The following STARD13 variants were observed in gnomAD, a reference collection of about 807,000 sequenced individuals.
STARD13 encodes StAR related lipid transfer domain containing 13, also known as stAR-related lipid transfer protein 13.
In STARD13, 62 loss-of-function variants were observed where a neutral mutation model predicts 106.4. The observed-to-expected ratio is 0.58, with a 90% CI of 0.48 to 0.72. STARD13 has a LOEUF of 0.72. Ranked by LOEUF, STARD13 falls within the 30% of genes least tolerant of loss-of-function variation. The pLI is 0.00. For synonymous variants in STARD13, 565 were observed against 553.0 expected, an observed-to-expected ratio of 1.02 and a Z score of -0.31; for missense variants, 1,387 against 1,424.0, an observed-to-expected ratio of 0.97 and a Z score of 0.42.
chr13:33,253,908 A>G (rs945693045), intron 1 of STARD13, among the ~76,000 whole-genome samples: 1 of 152,258 alleles, frequency 6.6e-6, no homozygotes, highest in South Asian at 2.1e-4. Flanking sequence ...AGGTTTTTCA[A>G]CAGGCCTGCC....
intron 4 of STARD13, among the ~76,000 whole-genome samples, chr13:33,131,016 C>A (rs866994219): frequency 1.3e-5 from 2 of 152,322 alleles, no homozygotes. Flanking sequence ...TGGGTCCCCG[C>A]GGCTTGGCAC....
At chr13:33,526,540 C>T in the STARD13 span, among the ~76,000 whole-genome samples, 1 of 152,036 alleles carries the variant, frequency 6.6e-6, no homozygotes, top group Non-Finnish European at 1.5e-5. Flanking sequence ...TTTGTAGCCA[C>T]CATACCAAGA....
chr13:33,459,657 C>T, the STARD13 span, among the ~76,000 whole-genome samples: 1 of 152,290 alleles, frequency 6.6e-6, no homozygotes, highest in East Asian at 1.9e-4. Context: ...TTTTTAAGAA[C>T]TGCCAAGCTG....
chr13:33,632,684 T>A, the STARD13 span, among the ~76,000 whole-genome samples: 2 of 152,344 alleles, frequency 1.3e-5, no homozygotes, highest in Admixed American at 1.3e-4. Context: ...AGCCTTCTGA[T>A]TTGTGGGTTT....
the STARD13 span, among the ~76,000 whole-genome samples, chr13:33,596,684 C>A: frequency 1.3e-4 from 20 of 152,302 alleles, no homozygotes; most frequent in Middle Eastern, 0.01. Flanking sequence ...ACCAACCTCT[C>A]TTCATTCCCT....
At chr13:33,105,768 T>A in intron 13 of STARD13, 58 bp from the exon 14 acceptor site, 1 of 1,443,248 alleles carries the variant, frequency 6.9e-7, no homozygotes, top group Non-Finnish European at 9.8e-7. Flanking sequence ...TCACAGCAAT[T>A]AGTTTTGGTG....
chr13:33,464,708 G>T, the STARD13 span, among the ~76,000 whole-genome samples: 1 of 152,168 alleles, frequency 6.6e-6, no homozygotes, highest in Admixed American at 6.5e-5. Context: ...AATTAGCTAG[G>T]TGTGGTGGCG....
At chr13:33,535,256 T>G in the STARD13 span, among the ~76,000 whole-genome samples, 1 of 152,078 alleles carries the variant, frequency 6.6e-6, no homozygotes, top group East Asian at 1.9e-4. Flanking sequence ...TTTTCTTCAT[T>G]ACATAAATCT....
At chr13:33,577,821 A>G in the STARD13 span, among the ~76,000 whole-genome samples, 1 of 152,180 alleles carries the variant, frequency 6.6e-6, no homozygotes, top group East Asian at 1.9e-4. Flanking sequence ...CTTTTTAGAT[A>G]CAAAGCCAAA....
chr13:33,136,249 C>T (rs1879039163), intron 4 of STARD13, among the ~76,000 whole-genome samples: 1 of 152,160 alleles, frequency 6.6e-6, no homozygotes, highest in African/African-American at 2.4e-5. Context: ...GACAGATGAA[C>T]AACAAAAATG....
At chr13:33,489,426 AT>A in the STARD13 span, among the ~76,000 whole-genome samples, 1 of 152,268 alleles carries the variant, frequency 6.6e-6, no homozygotes, top group East Asian at 1.9e-4. Flanking sequence ...ATATTTTTCT[AT>A]TTAGTTATAA....
the STARD13 span, among the ~76,000 whole-genome samples, chr13:33,495,285 A>G: frequency 1.3e-5 from 2 of 152,216 alleles, no homozygotes; most frequent in African/African-American, 4.8e-5. Flanking sequence ...ACTTAAGCCA[A>G]TTATCATCTT....
chr13:33,217,735 C>A (rs1267480936), intron 1 of STARD13, among the ~76,000 whole-genome samples: 3 of 152,224 alleles, frequency 2.0e-5, no homozygotes, highest in East Asian at 1.9e-4. Context: ...GAAATAAACA[C>A]CTTCATGAAA....
chr13:33,500,238 T>C, the STARD13 span, among the ~76,000 whole-genome samples: 1 of 151,956 alleles, frequency 6.6e-6, no homozygotes, highest in Non-Finnish European at 1.5e-5. Context: ...AAATTTAGAG[T>C]GAAAGTAAGG....
chr13:33,528,229 T>TATATATATATAC, the STARD13 span, among the ~76,000 whole-genome samples: 20 of 130,924 alleles, frequency 1.5e-4, no homozygotes, highest in African/African-American at 6.7e-4. Flanking sequence ...TGTGTGTGTA[T>TATATATATATAC]ATATATATAT....
Position 33,129,004 on chromosome 13 carries a change from A to G in STARD13, c.1673T>C (p.Leu558Pro), listed in dbSNP as rs756264482. 28 of 1,614,022 alleles carry G rather than the reference A, an allele frequency of 1.7e-5. No homozygotes were observed. The highest frequency in any genetic ancestry group is 5.3e-5 in the African/African-American group (4 of 74,902). The part of the protein sequence containing the change: ...PSDVERDVTS[L>P]NESEPPGVRD... Reference sequence around the variant, plus strand: ...GACCCCAGGAGGCTCAGATTCATTAAGAGATGTTACATCTCTTTCCACATC... The same window carrying G: ...GACCCCAGGAGGCTCAGATTCATTAGGAGATGTTACATCTCTTTCCACATC... Residue 558 changes from leucine to proline, a missense_variant, in exon 5 of 14, where the codon CTT becomes CCT. Leu to Pro is a moderately conservative substitution (Grantham distance 98). Coordinates refer to ENST00000336934, the MANE Select transcript of STARD13 (RefSeq NM_178006.4).
chr13:33,562,885 A>T, the STARD13 span, among the ~76,000 whole-genome samples: 1 of 147,282 alleles, frequency 6.8e-6, no homozygotes, highest in East Asian at 2.0e-4. Context: ...CACCAATGTA[A>T]AATTATGTTT....
chr13:33,481,519 A>C, the STARD13 span, among the ~76,000 whole-genome samples: 1 of 152,230 alleles, frequency 6.6e-6, no homozygotes, highest in South Asian at 2.1e-4. Context: ...TGCAATCATC[A>C]AAGTCCAGTC....
intron 1 of STARD13, among the ~76,000 whole-genome samples, chr13:33,243,680 A>C (rs964599471): frequency 3.9e-5 from 6 of 152,036 alleles, no homozygotes; most frequent in Non-Finnish European, 8.8e-5. Context: ...AGTGGTGGAG[A>C]TGGGTGGGCA....
Sources: gnomAD v4.1 joint callset for allele counts (sites outside exome capture counted in the v4.1 genomes callset) on GRCh38, gnomAD v4.1.1 for gene constraint, MANE v1.5 for transcripts, NCBI Gene and HGNC (gene_info 2026-07-23, HGNC 2026-07-21) for gene names.